PWWP2A: variants seen among roughly 807,000 people sequenced by gnomAD.
The protein encoded by PWWP2A is PWWP domain-containing protein 2A.
A neutral mutation model predicts 48.5 loss-of-function variants in PWWP2A; 18 were observed. That is an observed-to-expected ratio of 0.37 (90% CI 0.26 to 0.55). PWWP2A has a LOEUF of 0.55. Among genes scored for constraint, PWWP2A ranks in the 20% least tolerant of loss-of-function variants. The pLI, the probability that PWWP2A is intolerant of heterozygous loss-of-function variation, is 0.81. For missense variants in PWWP2A, 867 were observed against 976.4 expected (o/e 0.89, Z 1.49); for synonymous variants, 396 against 387.7 (o/e 1.02, Z -0.25).
downstream of PWWP2A, among the ~76,000 whole-genome samples, chr5:160,086,543 C>T (rs1156592083): frequency 1.9e-4 from 29 of 151,790 alleles, no homozygotes. Flanking sequence ...TATATATACA[C>T]ACATTTTTTT....
chr5:160,108,423 G>A, intron 1 of PWWP2A: 1 of 444,198 alleles, frequency 2.3e-6, no homozygotes, highest in South Asian at 1.8e-5. Context: ...CATATAAGCA[G>A]AATAATCACC....
chr5:160,046,237 GGTCATCAGCA>G, the PWWP2A span, among the ~76,000 whole-genome samples: 1 of 152,136 alleles, frequency 6.6e-6, no homozygotes, highest in Non-Finnish European at 1.5e-5. Context: ...ATCTTGTAAA[GGTCATCAGCA>G]GTTTCATCTT....
intron 2 of PWWP2A, among the ~76,000 whole-genome samples, chr5:160,083,644 C>A (rs112985019): frequency 3.9e-5 from 6 of 152,290 alleles, no homozygotes; most frequent in African/African-American, 1.4e-4. Context: ...TGGGCCCTAC[C>A]AGCTCAGATA....
intron 1 of PWWP2A, chr5:160,105,841 CT>C (rs1756844860): frequency 6.3e-6 from 1 of 158,636 alleles, no homozygotes; most frequent in Non-Finnish European, 1.3e-5. Flanking sequence ...GTCTGAAATC[CT>C]TTTCAAATTC....
At chr5:160,095,683 GTTCTTTTTTT>G (rs1755569660) in intron 1 of PWWP2A, among the ~76,000 whole-genome samples, 1 of 108,788 alleles carries the variant, frequency 9.2e-6, no homozygotes, top group Admixed American at 1.2e-4. Context: ...TCTCCGAAAT[GTTCTTTTTTT>G]TTTTTTTTTT....
At chr5:160,076,786 T>C (rs1243286937) in exon 4 of PWWP2A, 1 of 152,350 alleles carries the variant, frequency 6.6e-6, no homozygotes, top group East Asian at 1.9e-4. Flanking sequence ...GTCTGACCAC[T>C]TGAGCCAAGT....
At chr5:160,084,803 ATTTC>A (rs1248349246) in intron 2 of PWWP2A, among the ~76,000 whole-genome samples, 1 of 152,030 alleles carries the variant, frequency 6.6e-6, no homozygotes, top group Non-Finnish European at 1.5e-5. Flanking sequence ...CTAAGTATCC[ATTTC>A]TTTCTTTTAC....
At position 160,078,954 on chromosome 5, in the gene PWWP2A, T is replaced by TA. The variant is rs1246416047; in HGVS notation, c.1670-787dup. ...ATAGCATGACCAGAATGATCAACAC[T>TA]ACTAACCTCCGTCTAATACTACGAA... On this transcript the variant is annotated intron_variant, in intron 3 of 3. Coordinates refer to the PWWP2A transcript ENST00000456329. This position sits in a 1 kb window ranked among gnomAD's most constrained non-coding sequence, Gnocchi z 4.2. 1.3e-5 allele frequency among the ~76,000 whole-genome samples: 2 copies of TA among 152,098 alleles called. No individual in the cohort carries two copies. Among genetic ancestry groups the TA allele is most frequent in the African/African-American group, 4.8e-5 (2 of 41,414 alleles).
intron 1 of PWWP2A, among the ~76,000 whole-genome samples, chr5:160,118,110 G>C (rs1347922603): frequency 6.6e-6 from 1 of 152,106 alleles, no homozygotes; most frequent in East Asian, 1.9e-4. Flanking sequence ...GAAGTTACTT[G>C]AACATTTTTA....
chr5:160,093,768 A>C lies in PWWP2A; in HGVS notation c.882T>G (p.Ile294Met). ...QSIPQPPPRK[I>M]KRPKRKMYRE... ...TGTACATTTTTCGTTTGGGTCGCTT[A>C]ATTTTCCGAGGAGGTGGCTGAGGTA... The change falls in exon 2 of 2, where the codon ATT (isoleucine) becomes ATG (methionine). Residue 294 changes from isoleucine to methionine, a missense_variant. Ile to Met is a conservative substitution (Grantham distance 10). Transcript: ENST00000307063. This position sits in a 1 kb window ranked among gnomAD's most constrained non-coding sequence, Gnocchi z 5.8. The C allele has an allele frequency of 6.2e-7, 1 of 1,613,972 alleles. No homozygotes were observed. Among genetic ancestry groups the C allele is most frequent in the South Asian group, 1.1e-5 (1 of 91,088 alleles).
chr5:160,072,603 A>C (rs1375539418), downstream of PWWP2A, among the ~76,000 whole-genome samples: 1 of 152,072 alleles, frequency 6.6e-6, no homozygotes, highest in East Asian at 1.9e-4. Flanking sequence ...GGTAGTGCAC[A>C]CCTGTAGTCC....
At chr5:160,081,567 CA>C (rs1280630460) in intron 2 of PWWP2A, among the ~76,000 whole-genome samples, 1 of 152,092 alleles carries the variant, frequency 6.6e-6, no homozygotes, top group Non-Finnish European at 1.5e-5. Context: ...GCAAAATGAC[CA>C]AAAACTGCCT....
chr5:160,088,134 TA>T (rs1309827671), downstream of PWWP2A, among the ~76,000 whole-genome samples: 2 of 152,222 alleles, frequency 1.3e-5, no homozygotes, highest in African/African-American at 4.8e-5. Context: ...CAGAACCAGG[TA>T]AAAGTAACTA....
At chr5:160,104,757 A>G (rs1299372954) in intron 1 of PWWP2A, among the ~76,000 whole-genome samples, 1 of 152,088 alleles carries the variant, frequency 6.6e-6, no homozygotes, top group African/African-American at 2.4e-5. Flanking sequence ...GTGAGCCAAG[A>G]TCGTGCCACT....
chr5:160,081,848 ACT>A (rs1754255798), intron 2 of PWWP2A, among the ~76,000 whole-genome samples: 2 of 152,146 alleles, frequency 1.3e-5, no homozygotes, highest in South Asian at 2.1e-4. Context: ...AGTGTAGTCA[ACT>A]CTGAGATCAT....
Position 160,119,378 on chromosome 5 carries a change from A to G in PWWP2A, c.11T>C (p.Val4Ala). The G allele has an allele frequency of 1.7e-6, 2 of 1,194,972 alleles. No homozygotes were observed. The highest frequency in any genetic ancestry group is 1.8e-5 in the South Asian group (1 of 54,162). 74.0% of individuals were successfully genotyped at this position (1,194,972 alleles called of 1,614,324 possible). The change falls in exon 1 of 2, where the codon GTG (valine) becomes GCG (alanine). Residue 4 changes from valine to alanine, a missense_variant. Physicochemically the swap from Val to Ala is moderately conservative, Grantham distance 64 (BLOSUM62 0). This residue lies in a region of PWWP2A where 385 missense variants were observed against 396.9 expected (regional missense o/e 0.97). Transcript: ENST00000307063. MAA[V>A]AAEAAATAAS... ...TGCAGTCGCTGCCGCCTCTGCAGCCACGGCCGCCATTTTCTTCCTAGCTTC... is the reference window on the plus strand; with the variant it reads ...TGCAGTCGCTGCCGCCTCTGCAGCCGCGGCCGCCATTTTCTTCCTAGCTTC...
In PWWP2A at chr5:160,091,410, C is replaced by T; in HGVS notation, c.*972G>A. On this transcript the variant is annotated 3_prime_UTR_variant, in exon 2 of 2. Transcript: ENST00000307063. ...TTTTTTTTTACATTTCAGAGCATTA[C>T]ACAATTACATTTTCTCATTTTCTGA... The T allele has an allele frequency of 1.1e-6, 1 of 875,190 alleles. No individual in the cohort carries two copies. Among genetic ancestry groups the T allele is most frequent in the Non-Finnish European group, 1.4e-6 (1 of 736,578 alleles). 54.2% of individuals were successfully genotyped at this position (875,190 alleles called of 1,614,324 possible). A position where few individuals can be genotyped will look rare whatever the true frequency, so the allele number is the denominator to read the frequency against.
intron 1 of PWWP2A, 73 bp from the exon 2 acceptor site, chr5:160,094,138 A>G (rs1755371164): frequency 2.8e-6 from 4 of 1,414,972 alleles, no homozygotes; most frequent in African/African-American, 1.4e-5. Flanking sequence ...AACGTAAACA[A>G]CATCTGATGC....
rs189846462 is a variant in PWWP2A at position 160,067,226 on chromosome 5, A to T, written c.*80-355T>A. On this transcript the variant is annotated intron_variant and NMD_transcript_variant, in intron 2 of 5. Transcript: ENST00000524050. ...ATCACAGTGCAGTCACTGACAAGAT[A>T]ACAGTGAAAAAAATAGACTCTTTAA... Among the ~76,000 whole-genome samples the T allele has an allele frequency of 7.2e-4, 109 of 152,292 alleles. 1 individual carries two copies. The highest frequency in any genetic ancestry group is 1.3e-3 in the Admixed American group (20 of 15,302).
Sources: gnomAD v4.1 joint callset for allele counts (sites outside exome capture counted in the v4.1 genomes callset) on GRCh38, gnomAD v4.1.1 for gene constraint, gnomAD v4.1.1 regional missense constraint, Gnocchi (gnomAD v3.1) non-coding constraint, MANE v1.5 for transcripts, NCBI Gene and HGNC (gene_info 2026-07-23, HGNC 2026-07-21) for gene names.